Variants in CLSTN2 observed in about 807,000 individuals in gnomAD.
The protein encoded by CLSTN2 is calsyntenin-2.
In CLSTN2, 48 loss-of-function variants were observed where a neutral mutation model predicts 101.2. The ratio of observed to expected loss-of-function variants is 0.47; its 90% confidence interval spans 0.38 to 0.60. The LOEUF is 0.60. Among genes scored for constraint, CLSTN2 ranks in the 20% least tolerant of loss-of-function variants. CLSTN2 has a pLI of 0.00. For missense variants in CLSTN2, 1,160 were observed against 1,238.2 expected (o/e 0.94, Z 0.95); for synonymous variants, 481 against 463.6 (o/e 1.04, Z -0.48).
chr3:140,503,801 C>A (rs549014145), intron 8 of CLSTN2, among the ~76,000 whole-genome samples: 18 of 152,222 alleles, frequency 1.2e-4, no homozygotes, highest in African/African-American at 3.4e-4. Flanking sequence ...TCGGCTATAG[C>A]CCCTGGTTTA....
intron 2 of CLSTN2, among the ~76,000 whole-genome samples, chr3:140,304,179 A>G (rs563619887): frequency 2.7e-3 from 406 of 152,300 alleles, no homozygotes; most frequent in Middle Eastern, 0.01. Context: ...TTTTCCGATA[A>G]CTGTGGCTAA....
intron 2 of CLSTN2, among the ~76,000 whole-genome samples, chr3:140,380,633 A>G (rs2087969934): frequency 6.6e-6 from 1 of 152,172 alleles, no homozygotes; most frequent in African/African-American, 2.4e-5. Flanking sequence ...TATTTCCTAC[A>G]AAGTACCACC....
At chr3:140,293,319 C>T (rs986595780) in intron 2 of CLSTN2, among the ~76,000 whole-genome samples, 1 of 152,078 alleles carries the variant, frequency 6.6e-6, no homozygotes, top group East Asian at 1.9e-4. Flanking sequence ...CCTTAGTAGG[C>T]CTAGCTTGAG....
At chr3:139,945,300 T>C (rs1342562189) in intron 1 of CLSTN2, among the ~76,000 whole-genome samples, 2 of 152,118 alleles carry the variant, frequency 1.3e-5, no homozygotes, top group Non-Finnish European at 2.9e-5. Context: ...TGAGTCTCTA[T>C]CACATGCAGA....
chr3:140,409,424 A>G (rs1009033857), intron 4 of CLSTN2, among the ~76,000 whole-genome samples: 1 of 152,180 alleles, frequency 6.6e-6, no homozygotes, highest in Admixed American at 6.5e-5. Flanking sequence ...GACCCCAGCT[A>G]CCTGAACCAA....
intron 8 of CLSTN2, among the ~76,000 whole-genome samples, chr3:140,476,778 C>A (rs1310080830): frequency 1.3e-5 from 2 of 151,776 alleles, no homozygotes; most frequent in Non-Finnish European, 2.9e-5. Flanking sequence ...CCTGCCTTAG[C>A]CTCCCGAGTA....
chr3:140,328,192 A>G (rs2087349055), intron 2 of CLSTN2, among the ~76,000 whole-genome samples: 1 of 152,230 alleles, frequency 6.6e-6, no homozygotes, highest in Non-Finnish European at 1.5e-5. Context: ...ACCAGGGCAG[A>G]CAGACACTTT....
At chr3:140,155,060 C>G (rs1296306938) in intron 1 of CLSTN2, among the ~76,000 whole-genome samples, 1 of 152,112 alleles carries the variant, frequency 6.6e-6, no homozygotes, top group East Asian at 1.9e-4. Context: ...GGTGGGGACA[C>G]AGAGCCAAAC....
intron 1 of CLSTN2, among the ~76,000 whole-genome samples, chr3:140,151,941 C>G (rs2009873889): frequency 6.6e-6 from 1 of 152,090 alleles, no homozygotes; most frequent in Admixed American, 6.6e-5. Flanking sequence ...AGGGAGGAGT[C>G]TAGGTGGATA....
At chr3:140,205,127 C>T (rs1374436695) in intron 2 of CLSTN2, among the ~76,000 whole-genome samples, 5 of 152,142 alleles carry the variant, frequency 3.3e-5, no homozygotes, top group Admixed American at 2.0e-4. Context: ...TGAATCTTCA[C>T]GTTGAGGAAA....
chr3:140,241,341 G>A (rs2086465068), intron 2 of CLSTN2, among the ~76,000 whole-genome samples: 3 of 152,166 alleles, frequency 2.0e-5, no homozygotes, highest in Admixed American at 1.3e-4. Context: ...AGAAAGTGTT[G>A]TGTGAGGGCT....
intron 8 of CLSTN2, among the ~76,000 whole-genome samples, chr3:140,523,164 G>C (rs913851432): frequency 6.6e-6 from 1 of 152,064 alleles, no homozygotes; most frequent in Non-Finnish European, 1.5e-5. Context: ...CTAACTTCTC[G>C]GAGGTGACTT....
intron 1 of CLSTN2, among the ~76,000 whole-genome samples, chr3:140,174,646 C>T (rs1226484672): frequency 2.9e-4 from 44 of 152,036 alleles, no homozygotes; most frequent in Admixed American, 2.8e-3. Context: ...TGGCAGCAGG[C>T]AAAGAGAGAA....
At chr3:140,256,717 TAAA>T (rs1302850596) in intron 2 of CLSTN2, among the ~76,000 whole-genome samples, 1 of 152,230 alleles carries the variant, frequency 6.6e-6, no homozygotes, top group Non-Finnish European at 1.5e-5. Flanking sequence ...GTCCCCAGGA[TAAA>T]AAATTTCTGA....
Position 140,573,049 on chromosome 3 carries a change from T to G in CLSTN2, c.*6796T>G, listed in dbSNP as rs1230430233. The G allele has an allele frequency of 6.6e-6, 1 of 152,214 alleles. No homozygotes were observed. Among genetic ancestry groups the G allele is most frequent in the Non-Finnish European group, 1.5e-5 (1 of 68,068 alleles). 9.4% of individuals were successfully genotyped at this position (152,214 alleles called of 1,614,324 possible). A position where few individuals can be genotyped will look rare whatever the true frequency, so the allele number is the denominator to read the frequency against. On this transcript the variant is annotated 3_prime_UTR_variant, in exon 17 of 17. Coordinates refer to ENST00000458420, the MANE Select transcript of CLSTN2 (RefSeq NM_022131.3). ...CCAGGAGAGGCTGCCATGAGGTCAC[T>G]CATCCCCAGGAAGGCCACCTGCCAG...
chr3:139,976,726 C>A (rs566355873), intron 1 of CLSTN2, among the ~76,000 whole-genome samples: 1 of 152,288 alleles, frequency 6.6e-6, no homozygotes, highest in East Asian at 1.9e-4. Flanking sequence ...GGTCATCTCA[C>A]CTCTCCAAGC....
At chr3:140,475,520 A>C (rs1163866885) in intron 8 of CLSTN2, among the ~76,000 whole-genome samples, 2 of 152,248 alleles carry the variant, frequency 1.3e-5, no homozygotes, top group Non-Finnish European at 2.9e-5. Context: ...ATTCTAAAGA[A>C]GAATCCACAC....
chr3:140,492,644 G>A (rs1039112772), intron 8 of CLSTN2, among the ~76,000 whole-genome samples: 3 of 152,164 alleles, frequency 2.0e-5, no homozygotes, highest in Non-Finnish European at 2.9e-5. Flanking sequence ...AAGAAATTTG[G>A]ATGAATGAAC....
At chr3:140,357,313 A>G (rs1311707365) in intron 2 of CLSTN2, among the ~76,000 whole-genome samples, 2 of 152,090 alleles carry the variant, frequency 1.3e-5, no homozygotes, top group Non-Finnish European at 2.9e-5. Context: ...TATGCATCAG[A>G]TGGTTAAAGA....
Sources: allele counts gnomAD v4.1 joint callset (sites outside exome capture counted in the v4.1 genomes callset), GRCh38; gene constraint gnomAD v4.1.1; transcripts MANE v1.5; gene names NCBI Gene and HGNC (gene_info 2026-07-23, HGNC 2026-07-21).